SLCO5A1: variants seen among roughly 807,000 people sequenced by gnomAD.
The protein encoded by SLCO5A1 is organic anion transporter polypeptide-related protein 4.
SLCO5A1 carries 39 observed loss-of-function variants against 65.1 expected under a neutral mutation model. The ratio of observed to expected loss-of-function variants is 0.60; its 90% CI spans 0.46 to 0.78. The LOEUF is 0.78. Ranked by LOEUF, SLCO5A1 falls within the 30% of genes least tolerant of loss-of-function variation. The pLI, the probability that SLCO5A1 is intolerant of heterozygous loss-of-function variation, is 0.00. For synonymous variants in SLCO5A1, 438 were observed against 415.7 expected, an observed-to-expected ratio of 1.05 and a Z score of -0.65; for missense variants, 1,029 against 1,069.4, an observed-to-expected ratio of 0.96 and a Z score of 0.53.
chr8:69,755,724 GA>G, intron 3 of SLCO5A1, 83 bp from the exon 4 acceptor site: 2 of 1,326,902 alleles, frequency 1.5e-6, no homozygotes, highest in Non-Finnish European at 2.0e-6. Flanking sequence ...AGTTTGTGGT[GA>G]AAAAATTTTG....
In SLCO5A1 at chr8:69,673,221, G is replaced by A. The variant is rs1178186764; in HGVS notation, c.2195C>T (p.Thr732Met). ...VQGSCWEYNV[T>M]SFRFVYFGLA... ...ACCAAAATACACAAAACGAAACGAC[G>A]TCACGTTGTACTCCCAGCAAGAACC... The change falls in exon 10 of 10, where the codon ACG becomes ATG. Residue 732 changes from threonine (T) to methionine (M), a missense_variant. Transcript: ENST00000260126. The A allele has an allele frequency of 6.2e-7, 1 of 1,614,154 alleles. No individual in the cohort carries two copies. Among genetic ancestry groups the A allele is most frequent in the Non-Finnish European group, 8.5e-7 (1 of 1,180,030 alleles).
Position 69,667,135 on chromosome 8 carries a change from A to G in SLCO5A1, c.*5734T>C, listed in dbSNP as rs926930522. 6.6e-6 allele frequency: 1 copy of G among 152,238 alleles called. No individual in the cohort carries two copies. Among genetic ancestry groups the G allele is most frequent in the Non-Finnish European group, 1.5e-5 (1 of 68,042 alleles). The allele number at this position is 152,238 out of a possible 1,614,324, so 9.4% of individuals were successfully genotyped here. On this transcript the variant is annotated 3_prime_UTR_variant, in exon 10 of 10. Coordinates refer to ENST00000260126, the MANE Select transcript of SLCO5A1 (RefSeq NM_030958.3). ...AGATGCTGTAAACCAAGATTAGTACATCGACAACAGATTTCATTAAACACA... is the reference window on the plus strand; with the variant it reads ...AGATGCTGTAAACCAAGATTAGTACGTCGACAACAGATTTCATTAAACACA...
At chr8:69,826,476 G>C (rs561425805) in intron 2 of SLCO5A1, among the ~76,000 whole-genome samples, 1 of 152,180 alleles carries the variant, frequency 6.6e-6, no homozygotes, top group South Asian at 2.1e-4. Context: ...CAAAGGATAT[G>C]AACAGACACT....
At chr8:69,789,181 T>C (rs1004412487) in intron 2 of SLCO5A1, among the ~76,000 whole-genome samples, 5 of 152,324 alleles carry the variant, frequency 3.3e-5, no homozygotes, top group South Asian at 2.1e-4. Flanking sequence ...TCAGCTACTA[T>C]AGAGCACCAT....
rs555084922 is a variant in SLCO5A1, at chr8:69,766,509, T to G, written c.908-4634A>C. Among the ~76,000 whole-genome samples the G allele has an allele frequency of 8.5e-3, 1,289 of 151,528 alleles. 14 individuals are homozygous for G. The highest frequency in any genetic ancestry group is 0.026 in the African/African-American group (1,056 of 41,320). ...TTGCTCTGTGTGCACATGTGTGTGT[T>G]TGTGTGTGTGTGTGTATGCATGTGT... On this transcript the variant is annotated intron_variant, in intron 2 of 9. Transcript: ENST00000260126.
intron 5 of SLCO5A1, chr8:69,715,001 A>G (rs996832586): frequency 1.3e-5 from 2 of 152,250 alleles, no homozygotes; most frequent in African/African-American, 4.8e-5. Context: ...TGGCTGAAAT[A>G]ATGCATAAAA....
chr8:69,734,255 C>T (rs1381417433), intron 5 of SLCO5A1, among the ~76,000 whole-genome samples: 1 of 152,176 alleles, frequency 6.6e-6, no homozygotes, highest in African/African-American at 2.4e-5. Flanking sequence ...CTCCCCTCCA[C>T]CCTCCTTTGC....
chr8:69,740,144 G>C (rs1451680816), intron 4 of SLCO5A1, among the ~76,000 whole-genome samples: 1 of 152,156 alleles, frequency 6.6e-6, no homozygotes, highest in African/African-American at 2.4e-5. Flanking sequence ...TGTTATCTAA[G>C]AAGAATTAGC....
intron 6 of SLCO5A1, among the ~76,000 whole-genome samples, chr8:69,686,513 A>G (rs1419967361): frequency 6.6e-6 from 1 of 152,140 alleles, no homozygotes; most frequent in Non-Finnish European, 1.5e-5. Context: ...TGTTCCATGT[A>G]TTGCACCCTG....
At position 69,668,093 on chromosome 8, in the gene SLCO5A1, T is replaced by C. The variant is rs1051206014; in HGVS notation, c.*4776A>G. On this transcript the variant is annotated 3_prime_UTR_variant, in exon 10 of 10. Coordinates refer to ENST00000260126, the MANE Select transcript of SLCO5A1 (RefSeq NM_030958.3). ...AAACACCTAGGGAGGGTTTTTTGTTTTCTGTTTTTTGTTGTTGTTGTTGTA... is the reference window on the plus strand; with the variant it reads ...AAACACCTAGGGAGGGTTTTTTGTTCTCTGTTTTTTGTTGTTGTTGTTGTA... 5.3e-5 allele frequency: 8 copies of C among 152,156 alleles called. No individual in the cohort carries two copies. Among genetic ancestry groups the C allele is most frequent in the African/African-American group, 1.7e-4 (7 of 41,384 alleles). The allele number at this position is 152,156 out of a possible 1,614,324, so 9.4% of individuals were successfully genotyped here.
intron 5 of SLCO5A1, among the ~76,000 whole-genome samples, chr8:69,726,077 T>G (rs1042888046): frequency 3.9e-5 from 6 of 152,234 alleles, no homozygotes; most frequent in Admixed American, 6.5e-5. Flanking sequence ...TCTTTGTTTT[T>G]CAGTGTGAGC....
intron 2 of SLCO5A1, among the ~76,000 whole-genome samples, chr8:69,763,393 T>A (rs1817893043): frequency 6.6e-6 from 1 of 150,940 alleles, no homozygotes; most frequent in South Asian, 2.1e-4. Flanking sequence ...GGCAGGTGGA[T>A]CACTTGAGGT....
At chr8:69,813,037 T>C (rs143135148) in intron 2 of SLCO5A1, among the ~76,000 whole-genome samples, 1 of 152,218 alleles carries the variant, frequency 6.6e-6, no homozygotes, top group East Asian at 1.9e-4. Context: ...GACAAAATAC[T>C]AGCAAATATC....
rs539604517 is a variant in SLCO5A1 at position 69,753,106 on chromosome 8, T to G, written c.1258+2318A>C. Among the ~76,000 whole-genome samples, 286 of 152,286 alleles carry G rather than the reference T, an allele frequency of 1.9e-3. 1 individual carries two copies. The highest frequency in any genetic ancestry group is 6.5e-3 in the African/African-American group (269 of 41,560). ...TCGCTTTTGAACTTGCATATCTAAGTATGGGTTCCCCAGGAGAAGGCCCTG... is the reference window on the plus strand; with the variant it reads ...TCGCTTTTGAACTTGCATATCTAAGGATGGGTTCCCCAGGAGAAGGCCCTG... On this transcript the variant is annotated intron_variant, in intron 4 of 9. Coordinates refer to ENST00000260126, the MANE Select transcript of SLCO5A1 (RefSeq NM_030958.3).
chr8:69,745,623 A>G (rs1816981127), intron 4 of SLCO5A1, among the ~76,000 whole-genome samples: 1 of 152,194 alleles, frequency 6.6e-6, no homozygotes, highest in African/African-American at 2.4e-5. Context: ...TGACATGGAT[A>G]TATCCACACA....
intron 6 of SLCO5A1, among the ~76,000 whole-genome samples, chr8:69,683,597 C>G (rs1466538590): frequency 1.3e-5 from 2 of 150,962 alleles, no homozygotes; most frequent in South Asian, 2.1e-4. Context: ...GAGTCTCACT[C>G]TGTCGCCCAG....
At chr8:69,750,834 C>G (rs886083676) in intron 4 of SLCO5A1, among the ~76,000 whole-genome samples, 5 of 152,162 alleles carry the variant, frequency 3.3e-5, no homozygotes, top group African/African-American at 4.8e-5. Context: ...TCAGTGGACT[C>G]TAAGCTCTTG....
intron 2 of SLCO5A1, among the ~76,000 whole-genome samples, chr8:69,775,843 G>A (rs1818530959): frequency 6.6e-6 from 1 of 151,924 alleles, no homozygotes; most frequent in African/African-American, 2.4e-5. Flanking sequence ...GTGAGACCTA[G>A]TTCTCTACAA....
chr8:69,667,271 A>C lies in SLCO5A1; in HGVS notation c.*5598T>G, dbSNP rs2130777721. 6.6e-6 allele frequency: 1 copy of C among 151,874 alleles called. No individual in the cohort carries two copies. Among genetic ancestry groups the C allele is most frequent in the South Asian group, 2.1e-4 (1 of 4,796 alleles). 9.4% of individuals were successfully genotyped at this position (151,874 alleles called of 1,614,324 possible). A position where few individuals can be genotyped will look rare whatever the true frequency, so the allele number is the denominator to read the frequency against. Reference sequence around the variant, plus strand: ...AACAGTGCAAAACCTTTCATCACAAACATACCTCTACACAAAACACACACA... The same window carrying C: ...AACAGTGCAAAACCTTTCATCACAACCATACCTCTACACAAAACACACACA... On this transcript the variant is annotated 3_prime_UTR_variant, in exon 10 of 10. Transcript: ENST00000260126.
Sources: gnomAD v4.1 joint callset for allele counts (sites outside exome capture counted in the v4.1 genomes callset) on GRCh38, gnomAD v4.1.1 for gene constraint, MANE v1.5 for transcripts, NCBI Gene and HGNC (gene_info 2026-07-23, HGNC 2026-07-21) for gene names.